The following DEGS1 variants were observed in gnomAD, a reference collection of about 807,000 sequenced individuals.
The protein encoded by DEGS1 is delta 4-desaturase, sphingolipid 1, also known as sphingolipid delta(4)-desaturase DES1.
A neutral mutation model predicts 24.1 loss-of-function variants in DEGS1; 17 were observed. The ratio of observed to expected loss-of-function variants is 0.70; its 90% CI spans 0.48 to 1.06. The LOEUF (loss-of-function observed/expected upper bound fraction) is 1.06, where lower values mean the gene tolerates loss of function less well. Ranked by LOEUF, DEGS1 falls within the 50% of genes least tolerant of loss-of-function variation. The probability of loss-of-function intolerance (pLI) is 0.00; values close to 1 mark genes in which losing one functional copy is unlikely to be tolerated. For missense variants in DEGS1, 366 were observed against 408.9 expected (o/e 0.90, Z 0.91); for synonymous variants, 134 against 140.0 (o/e 0.96, Z 0.30).
At chr1:224,189,168 G>C (rs1658470251) in intron 1 of DEGS1, among the ~76,000 whole-genome samples, 1 of 152,168 alleles carries the variant, frequency 6.6e-6, no homozygotes, top group Admixed American at 6.6e-5. Flanking sequence ...TGATTTGTCT[G>C]AGAAAACTGT....
intron 1 of DEGS1, 112 bp from the exon 2 acceptor site, chr1:224,189,464 TA>T: frequency 1.3e-6 from 1 of 771,544 alleles, no homozygotes; most frequent in East Asian, 2.7e-5. Flanking sequence ...GTAAAGGGAA[TA>T]TGATTTACAG....
intron 2 of DEGS1, among the ~76,000 whole-genome samples, chr1:224,190,660 C>G (rs2102657160): frequency 6.6e-6 from 1 of 150,872 alleles, no homozygotes; most frequent in African/African-American, 2.4e-5. Flanking sequence ...CCTACTTTTA[C>G]AAAGGGTTCA....
Position 224,192,647 on chromosome 1 carries a change from A to G in DEGS1, c.*169A>G. The G allele has an allele frequency of 1.6e-6, 1 of 608,000 alleles. No homozygotes were observed. The highest frequency in any genetic ancestry group is 2.1e-5 in the South Asian group (1 of 47,434). 37.7% of individuals were successfully genotyped at this position (608,000 alleles called of 1,614,324 possible). A position where few individuals can be genotyped will look rare whatever the true frequency, so the allele number is the denominator to read the frequency against. Reference sequence around the variant, plus strand: ...ATCTGGCTTTTAAACAGTCAGCCTGACTCTGTACTGCTCAGTTTCACTCAC... The same window carrying G: ...ATCTGGCTTTTAAACAGTCAGCCTGGCTCTGTACTGCTCAGTTTCACTCAC... On this transcript the variant is annotated 3_prime_UTR_variant, in exon 3 of 3. Coordinates refer to ENST00000323699, the MANE Select transcript of DEGS1 (RefSeq NM_003676.4).
At chr1:224,184,271 A>G (rs992577950) in intron 1 of DEGS1, among the ~76,000 whole-genome samples, 24 of 152,202 alleles carry the variant, frequency 1.6e-4, no homozygotes, top group African/African-American at 5.5e-4. Flanking sequence ...GAGAATGCTC[A>G]TCTCTCCCAG....
In DEGS1 at chr1:224,183,342, G is replaced by A; in HGVS notation, c.6G>A (p.Gly2=). 6.8e-7 allele frequency: 1 copy of A among 1,480,176 alleles called. No individual in the cohort carries two copies. Among genetic ancestry groups the A allele is most frequent in the South Asian group, 1.3e-5 (1 of 76,800 alleles). 91.7% of individuals were successfully genotyped at this position (1,480,176 alleles called of 1,614,324 possible). The change falls in exon 1 of 3, where the codon GGG becomes GGA. Residue 2 remains glycine (G), a synonymous_variant. Coordinates refer to ENST00000323699, the MANE Select transcript of DEGS1 (RefSeq NM_003676.4). M[G]SRVSREDFEW... is the part of the protein sequence containing the mutation. ...TGCAAGCCACCGCTGTCGCCATGGG[G>A]AGCCGCGTCTCGCGGGAAGACTTCG...
chr1:224,185,052 C>T (rs971796316), intron 1 of DEGS1, among the ~76,000 whole-genome samples: 5 of 151,636 alleles, frequency 3.3e-5, no homozygotes, highest in Admixed American at 3.3e-4. Flanking sequence ...AGCAATTATT[C>T]CTTATATATA....
rs749810295 is a variant in DEGS1, at chr1:224,189,609, C to G, written c.115C>G (p.Pro39Ala). 3 of 1,609,358 alleles carry G rather than the reference C, an allele frequency of 1.9e-6. No homozygotes were observed. The Admixed American group carries it at 5.1e-5, about 27-fold the overall frequency. ...TCCAGAGATAAAGTCCTTGATGAAA[C>G]CTGATCCCAATTTGATATGGATTAT... Reference protein sequence around the residue: ...KYPEIKSLMKPDPNLIWIIIM... With the variant: ...KYPEIKSLMKADPNLIWIIIM... The change falls in exon 2 of 3, where the codon CCT becomes GCT. Residue 39 changes from proline (P) to alanine (A), a missense_variant. By Grantham distance (27) the Pro-to-Ala change is conservative. Coordinates refer to ENST00000323699, the MANE Select transcript of DEGS1 (RefSeq NM_003676.4).
At chr1:224,185,847 A>G (rs1460510875) in intron 1 of DEGS1, among the ~76,000 whole-genome samples, 3 of 152,170 alleles carry the variant, frequency 2.0e-5, no homozygotes, top group South Asian at 2.1e-4. Context: ...GGAATAATCT[A>G]GCGTCCTACC....
chr1:224,190,307 A>G lies in DEGS1; in HGVS notation c.813A>G (p.Lys271=). Residue 271 remains lysine, a synonymous_variant, in exon 2 of 3, where the codon AAA becomes AAG. Coordinates refer to ENST00000323699, the MANE Select transcript of DEGS1 (RefSeq NM_003676.4). ...EHHDFPNIPG[K]SLPLVRKIAA... is the part of the protein sequence containing the mutation. ...ATGATTTCCCCAACATTCCTGGAAA[A>G]AGTCTTCCACTGGTAAGTAAAGGAT... 1 of 1,490,570 alleles carries G rather than the reference A, an allele frequency of 6.7e-7. No individual in the cohort carries two copies. Among genetic ancestry groups the G allele is most frequent in the Non-Finnish European group, 8.9e-7 (1 of 1,122,508 alleles). The allele number at this position is 1,490,570 out of a possible 1,614,324, so 92.3% of individuals were successfully genotyped here.
At chr1:224,184,365 GT>G (rs1312222134) in intron 1 of DEGS1, among the ~76,000 whole-genome samples, 10 of 152,214 alleles carry the variant, frequency 6.6e-5, no homozygotes, top group Non-Finnish European at 1.2e-4. Context: ...TACTTGGTTG[GT>G]ATTATCGCTG....
chr1:224,189,562 G>GTTTTT lies in DEGS1; in HGVS notation c.83-13_83-9dup. The GTTTTT allele has an allele frequency of 1.3e-6, 2 of 1,541,388 alleles. No homozygotes were observed. The highest frequency in any genetic ancestry group is 1.4e-5 in the African/African-American group (1 of 71,780). On this transcript the variant is annotated splice_polypyrimidine_tract_variant and intron_variant, in intron 1 of 2. Transcript: ENST00000323699. ...TACTTTTCTTAGTTCCTGTTTTTTTGTTTTTTCTTTACAGCAAAGTATCCA... is the reference window on the plus strand; with the variant it reads ...TACTTTTCTTAGTTCCTGTTTTTTTGTTTTTTTTTTTCTTTACAGCAAAGTATCCA...
Position 224,192,658 on chromosome 1 carries a change from C to T in DEGS1, c.*180C>T. On this transcript the variant is annotated 3_prime_UTR_variant, in exon 3 of 3. Transcript: ENST00000323699. ...AAACAGTCAGCCTGACTCTGTACTG[C>T]TCAGTTTCACTCACAGGAAACTTGT... 1.8e-6 allele frequency: 1 copy of T among 551,730 alleles called. No individual in the cohort carries two copies. Among genetic ancestry groups the T allele is most frequent in the South Asian group, 2.4e-5 (1 of 40,948 alleles). 34.2% of individuals were successfully genotyped at this position (551,730 alleles called of 1,614,324 possible). A position where few individuals can be genotyped will look rare whatever the true frequency, so the allele number is the denominator to read the frequency against.
intron 1 of DEGS1, 64 bp downstream of exon 1, chr1:224,183,482 C>T (rs558850208): frequency 1.7e-5 from 20 of 1,205,756 alleles, no homozygotes; most frequent in Middle Eastern, 3.1e-4. Context: ...GCGCGCTCTC[C>T]CCTCGCGGGC....
chr1:224,183,611 A>C (rs886169146), intron 1 of DEGS1, 193 bp downstream of exon 1: 2 of 367,752 alleles, frequency 5.4e-6, no homozygotes, highest in Non-Finnish European at 9.3e-6. Flanking sequence ...GAGCGGGGGG[A>C]GGGACGGGTC....
chr1:224,183,738 C>T (rs1658300740), intron 1 of DEGS1: 1 of 235,840 alleles, frequency 4.2e-6, no homozygotes, highest in Non-Finnish European at 8.2e-6. Context: ...CCGGCTGTGC[C>T]AGCCTTGAGT....
In DEGS1 at chr1:224,183,240, AC is replaced by A. The variant is rs1240716551; in HGVS notation, c.-95del. The A allele has an allele frequency of 1.5e-4, 167 of 1,146,326 alleles. No individual in the cohort carries two copies. Among genetic ancestry groups the A allele is most frequent in the Non-Finnish European group, 1.8e-4 (154 of 839,778 alleles). The allele number at this position is 1,146,326 out of a possible 1,614,324, so 71.0% of individuals were successfully genotyped here. On this transcript the variant is annotated 5_prime_UTR_variant, in exon 1 of 3. Transcript: ENST00000323699. ...CCGCGCTCCGCCACAGCCGGCCGAC[AC>A]CACACCAGCCGGGGAGCCGCCGCCG...
At chr1:224,189,166 C>G (rs1658470199) in intron 1 of DEGS1, among the ~76,000 whole-genome samples, 1 of 152,090 alleles carries the variant, frequency 6.6e-6, no homozygotes, top group East Asian at 1.9e-4. Context: ...GTTGATTTGT[C>G]TGAGAAAACT....
At chr1:224,192,028 G>A (rs1658549082) in intron 2 of DEGS1, among the ~76,000 whole-genome samples, 1 of 152,090 alleles carries the variant, frequency 6.6e-6, no homozygotes, top group Non-Finnish European at 1.5e-5. Flanking sequence ...ATAATATCAA[G>A]TTAATCTAAT....
chr1:224,184,628 C>T (rs1184283404), intron 1 of DEGS1, among the ~76,000 whole-genome samples: 1 of 152,098 alleles, frequency 6.6e-6, no homozygotes, highest in Non-Finnish European at 1.5e-5. Flanking sequence ...TCTTCTGTCT[C>T]AGCCTCCCGA....
Sources: gnomAD v4.1 joint callset for allele counts (sites outside exome capture counted in the v4.1 genomes callset) on GRCh38, gnomAD v4.1.1 for gene constraint, MANE v1.5 for transcripts, NCBI Gene and HGNC (gene_info 2026-07-23, HGNC 2026-07-21) for gene names.